The following PPARG variants were observed in gnomAD, a reference collection of about 807,000 sequenced individuals.
PPARG encodes the protein peroxisome proliferator activated receptor gamma, also known as peroxisome proliferator-activated receptor gamma.
In PPARG, 17 loss-of-function variants were observed where a neutral mutation model predicts 39.2. That is an observed-to-expected ratio of 0.43 (90% CI 0.30 to 0.65). PPARG has a LOEUF of 0.65. PPARG is among the 30% of genes least tolerant of loss of function. The probability of loss-of-function intolerance (pLI) is 0.13; values close to 1 mark genes in which losing one functional copy is unlikely to be tolerated. For missense variants in PPARG, 406 were observed against 585.9 expected, an observed-to-expected ratio of 0.69 and a Z score of 3.17; for synonymous variants, 223 against 215.7, an observed-to-expected ratio of 1.03 and a Z score of -0.30.
chr3:12,352,371 T>C (rs1352491722), intron 2 of PPARG, among the ~76,000 whole-genome samples: 1 of 152,206 alleles, frequency 6.6e-6, no homozygotes, highest in Non-Finnish European at 1.5e-5. Context: ...TGACTACCTA[T>C]TAACTTCTCT....
intron 4 of PPARG, among the ~76,000 whole-genome samples, chr3:12,390,296 T>C (rs4135330): frequency 0.11 from 17,443 of 152,170 alleles, 3,262 homozygotes; most frequent in African/African-American, 0.39. Context: ...ACTCACACAT[T>C]GTACAACCCA....
chr3:12,330,146 G>T (rs1183979295), intron 2 of PPARG, among the ~76,000 whole-genome samples: 1 of 151,942 alleles, frequency 6.6e-6, no homozygotes, highest in Non-Finnish European at 1.5e-5. Flanking sequence ...GTTCTTTTGG[G>T]TATATACCCA....
At position 12,367,867 on chromosome 3, in the gene PPARG, C is replaced by T. The variant is rs113330006; in HGVS notation, c.-8-11837C>T. Among the ~76,000 whole-genome samples, 179 of 151,438 alleles carry T rather than the reference C, an allele frequency of 1.2e-3. 1 individual carries two copies. Among genetic ancestry groups the T allele is most frequent in the Middle Eastern group, 0.01 (3 of 294 alleles). On this transcript the variant is annotated intron_variant, in intron 2 of 7. Transcript: ENST00000651735. ...TCCAGCCTGCATGACAGAGTGAGAC[C>T]CTGCCTCAAAAAATAATAGTAAAAT...
chr3:12,419,877 A>G (rs1046077451), intron 7 of PPARG, among the ~76,000 whole-genome samples: 3 of 152,186 alleles, frequency 2.0e-5, no homozygotes, highest in African/African-American at 7.2e-5. Context: ...TCCCATGTCT[A>G]TTCTTTTCAC....
At chr3:12,366,817 T>C (rs1000561564) in intron 2 of PPARG, among the ~76,000 whole-genome samples, 3 of 152,202 alleles carry the variant, frequency 2.0e-5, no homozygotes, top group African/African-American at 7.2e-5. Flanking sequence ...GTTAAAGATT[T>C]CTGCATGTCT....
chr3:12,358,445 G>T (rs993608386), intron 2 of PPARG, among the ~76,000 whole-genome samples: 1 of 152,046 alleles, frequency 6.6e-6, no homozygotes. Context: ...CTCCCCTTGG[G>T]TCTTTTAAGT....
intron 7 of PPARG, among the ~76,000 whole-genome samples, chr3:12,421,484 G>C (rs1289783581): frequency 6.6e-6 from 1 of 152,186 alleles, no homozygotes; most frequent in East Asian, 1.9e-4. Flanking sequence ...GCTCAGTGAA[G>C]CTGACAAGCC....
At chr3:12,402,735 T>C (rs1340404461) in intron 5 of PPARG, among the ~76,000 whole-genome samples, 3 of 152,044 alleles carry the variant, frequency 2.0e-5, no homozygotes, top group Admixed American at 6.6e-5. Flanking sequence ...AGTTACCGAG[T>C]GACTCTGATA....
intron 7 of PPARG, among the ~76,000 whole-genome samples, chr3:12,418,217 C>T (rs1427301944): frequency 6.6e-6 from 1 of 152,088 alleles, no homozygotes; most frequent in African/African-American, 2.4e-5. Context: ...AATCTTCTCA[C>T]CTTGGTCTCC....
intron 4 of PPARG, among the ~76,000 whole-genome samples, chr3:12,387,700 G>T (rs540485968): frequency 6.6e-6 from 1 of 152,234 alleles, no homozygotes; most frequent in South Asian, 2.1e-4. Flanking sequence ...TTCTTTTGCT[G>T]TGCAGAAACT....
At chr3:12,347,186 C>CA (rs35004171) in intron 2 of PPARG, among the ~76,000 whole-genome samples, 77 of 138,120 alleles carry the variant, frequency 5.6e-4, no homozygotes, top group African/African-American at 7.1e-4. Context: ...GACCCTGTCT[C>CA]AAAAAAAAAA....
intron 4 of PPARG, among the ~76,000 whole-genome samples, chr3:12,390,988 A>T (rs1465576679): frequency 6.6e-6 from 1 of 152,080 alleles, no homozygotes; most frequent in Admixed American, 6.6e-5. Context: ...ACAAACCCAA[A>T]ATTGAGAATA....
chr3:12,351,461 CTG>C (rs2048483233), intron 2 of PPARG: 8 of 722,682 alleles, frequency 1.1e-5, no homozygotes, highest in Non-Finnish European at 1.7e-5. Flanking sequence ...TATTTGGAAA[CTG>C]ATGTCTTGAC....
At chr3:12,383,535 T>G (rs563349638) in intron 4 of PPARG, among the ~76,000 whole-genome samples, 2 of 152,148 alleles carry the variant, frequency 1.3e-5, no homozygotes, top group Admixed American at 6.6e-5. Flanking sequence ...TGAGCCATAT[T>G]TATCTGAAGA....
chr3:12,313,740 G>GGAA (rs1270211613), intron 2 of PPARG, among the ~76,000 whole-genome samples: 1 of 151,950 alleles, frequency 6.6e-6, no homozygotes, highest in Non-Finnish European at 1.5e-5. Flanking sequence ...GGCCAAAGCT[G>GGAA]GAACAATTTC....
intron 6 of PPARG, among the ~76,000 whole-genome samples, chr3:12,407,071 A>G (rs561994083): frequency 2.6e-5 from 4 of 152,216 alleles, no homozygotes; most frequent in Non-Finnish European, 5.9e-5. Flanking sequence ...ACATGGAATT[A>G]TAGAATAAAA....
chr3:12,330,877 G>A (rs1223170513), intron 2 of PPARG, among the ~76,000 whole-genome samples: 4 of 152,158 alleles, frequency 2.6e-5, no homozygotes, highest in Non-Finnish European at 5.9e-5. Flanking sequence ...CAGATTCTTG[G>A]AGATCCACAA....
chr3:12,402,794 G>T (rs1427394908), intron 5 of PPARG, among the ~76,000 whole-genome samples: 1 of 152,098 alleles, frequency 6.6e-6, no homozygotes, highest in Non-Finnish European at 1.5e-5. Context: ...AACTACTGGT[G>T]AACAAGAAAT....
chr3:12,317,610 TTTATTC>T (rs1341962286), intron 2 of PPARG, among the ~76,000 whole-genome samples: 1 of 152,194 alleles, frequency 6.6e-6, no homozygotes, highest in African/African-American at 2.4e-5. Flanking sequence ...ATAATTATGT[TTTATTC>T]TTATACCATT....
Sources: gnomAD v4.1 joint callset for allele counts (sites outside exome capture counted in the v4.1 genomes callset) on GRCh38, gnomAD v4.1.1 for gene constraint, MANE v1.5 for transcripts, NCBI Gene and HGNC (gene_info 2026-07-23, HGNC 2026-07-21) for gene names.